The following LRRC7 variants were observed in gnomAD, a reference collection of about 807,000 sequenced individuals.
LRRC7 encodes leucine-rich repeat-containing protein 7.
Under a neutral mutation model 175.7 loss-of-function variants are expected in LRRC7, and 23 were observed. That is an observed-to-expected ratio of 0.13 (90% CI 0.09 to 0.19). The LOEUF is 0.19. Ranked by LOEUF, LRRC7 falls within the 10% of genes least tolerant of loss-of-function variation. The probability of loss-of-function intolerance (pLI) is 1.00; values close to 1 mark genes in which losing one functional copy is unlikely to be tolerated. For synonymous variants in LRRC7, 685 were observed against 680.9 expected, an observed-to-expected ratio of 1.01 and a Z score of -0.09; for missense variants, 1,354 against 1,904.7, an observed-to-expected ratio of 0.71 and a Z score of 5.38.
intron 8 of LRRC7, among the ~76,000 whole-genome samples, chr1:69,954,004 T>C (rs1288080412): frequency 6.6e-6 from 1 of 152,046 alleles, no homozygotes; most frequent in Non-Finnish European, 1.5e-5. Flanking sequence ...ATAAGCATCT[T>C]AAAGGAAGGA....
At chr1:69,874,235 AT>A (rs1024789937) in intron 7 of LRRC7, 10 of 152,172 alleles carry the variant, frequency 6.6e-5, no homozygotes, top group African/African-American at 2.4e-4. Flanking sequence ...TAGCATTTCA[AT>A]TTGCATAGAA....
At chr1:70,042,915 C>A (rs981957097) in intron 21 of LRRC7, among the ~76,000 whole-genome samples, 44 of 152,116 alleles carry the variant, frequency 2.9e-4, no homozygotes, top group African/African-American at 1.0e-3. Context: ...ATAATATTGC[C>A]CTCAGAATAG....
chr1:69,629,789 A>G (rs1441681204), intron 1 of LRRC7, among the ~76,000 whole-genome samples: 4 of 152,134 alleles, frequency 2.6e-5, no homozygotes, highest in African/African-American at 9.7e-5. Flanking sequence ...GATTGATGCT[A>G]TTAAAGTTAA....
At chr1:69,964,740 T>C (rs1001422204) in intron 8 of LRRC7, among the ~76,000 whole-genome samples, 4 of 152,242 alleles carry the variant, frequency 2.6e-5, no homozygotes, top group African/African-American at 9.6e-5. Context: ...TCATTGTTTC[T>C]AGTTCTTAAC....
intron 1 of LRRC7, among the ~76,000 whole-genome samples, chr1:69,605,710 G>T (rs1312496110): frequency 6.6e-6 from 1 of 152,062 alleles, no homozygotes; most frequent in African/African-American, 2.4e-5. Flanking sequence ...TTTCATTTGG[G>T]TCTTAAAATA....
intron 1 of LRRC7, among the ~76,000 whole-genome samples, chr1:69,589,118 GTGTGTGT>G: frequency 7.1e-5 from 1 of 14,114 alleles, no homozygotes; most frequent in Non-Finnish European, 1.2e-4. Flanking sequence ...TAAAAAGGGT[GTGTGTGT>G]GTGTGTGTGT....
At position 69,838,533 on chromosome 1, in the gene LRRC7, C is replaced by A. The variant is rs937847719; in HGVS notation, c.647+250C>A. Among the ~76,000 whole-genome samples, 3 of 151,922 alleles carry A rather than the reference C, an allele frequency of 2.0e-5. No individual in the cohort carries two copies. The South Asian group carries it at 6.2e-4, about 31-fold the overall frequency. On this transcript the variant is annotated intron_variant, in intron 7 of 26. Transcript: ENST00000651989. ...AAGTTTCTTCTCATGGCTGAAGATA[C>A]ATGCCAGAAAAGTATTGCACTAAAA...
chr1:70,022,647 A>G (rs1657634066), intron 16 of LRRC7, among the ~76,000 whole-genome samples: 1 of 152,128 alleles, frequency 6.6e-6, no homozygotes. Flanking sequence ...CTCAGTTTTG[A>G]CTAATTTGAA....
intron 25 of LRRC7, among the ~76,000 whole-genome samples, chr1:70,103,545 C>T (rs1664943994): frequency 6.6e-6 from 1 of 152,112 alleles, no homozygotes; most frequent in Non-Finnish European, 1.5e-5. Context: ...GAAATGGATT[C>T]TCCCCCTGAA....
At chr1:69,964,482 T>G (rs905808694) in intron 8 of LRRC7, among the ~76,000 whole-genome samples, 3 of 152,196 alleles carry the variant, frequency 2.0e-5, no homozygotes, top group African/African-American at 7.2e-5. Flanking sequence ...TGGACAGTCA[T>G]GAAGAGTCTA....
intron 4 of LRRC7, among the ~76,000 whole-genome samples, chr1:69,805,617 G>A (rs1305664336): frequency 6.6e-6 from 1 of 151,690 alleles, no homozygotes; most frequent in Non-Finnish European, 1.5e-5. Context: ...CCTTCCCTTT[G>A]TACAGAATCT....
At chr1:69,693,030 G>A (rs368178331) in intron 2 of LRRC7, among the ~76,000 whole-genome samples, 55 of 151,564 alleles carry the variant, frequency 3.6e-4, no homozygotes, top group African/African-American at 1.1e-3. Context: ...TTTCAGGCTC[G>A]CAGACACGGA....
intron 3 of LRRC7, among the ~76,000 whole-genome samples, chr1:69,781,207 T>C (rs1242672821): frequency 1.3e-5 from 2 of 152,082 alleles, no homozygotes; most frequent in Non-Finnish European, 2.9e-5. Flanking sequence ...CAGTAGATAG[T>C]TGTTGAGTCT....
At chr1:69,986,008 C>T (rs1274488382) in intron 9 of LRRC7, among the ~76,000 whole-genome samples, 1 of 151,982 alleles carries the variant, frequency 6.6e-6, no homozygotes, top group Non-Finnish European at 1.5e-5. Context: ...TGGTATAACC[C>T]TATTTATTGT....
chr1:70,023,328 C>T lies in LRRC7; in HGVS notation c.1748C>T (p.Pro583Leu), dbSNP rs1378111862. The T allele has an allele frequency of 4.3e-6, 7 of 1,612,190 alleles. No homozygotes were observed. The highest frequency in any genetic ancestry group is 5.9e-6 in the Non-Finnish European group (7 of 1,178,904). The change falls in exon 17 of 27, where the codon CCA becomes CTA. Residue 583 changes from proline (P) to leucine (L), a missense_variant. By Grantham distance (98) the Pro-to-Leu change is moderately conservative (BLOSUM62 -3). This residue lies in a region of LRRC7 where 1,032 missense variants were observed against 1,227.2 expected (regional missense o/e 0.84). Transcript: ENST00000651989. The stretch of plus-strand genomic sequence containing the variant: ...GAAAGGAGCATGTGTACTCCATTGC[C>T]AGTTGCAGCACAATCCACCACTCTT... ...QQERSMCTPL[P>L]VAAQSTTLPS...
At chr1:69,935,767 A>G (rs547433043) in intron 8 of LRRC7, among the ~76,000 whole-genome samples, 1 of 152,190 alleles carries the variant, frequency 6.6e-6, no homozygotes, top group African/African-American at 2.4e-5. Context: ...CAGTCTCTGG[A>G]GAGTCTTTTT....
At chr1:69,634,746 C>T (rs1168297607) in intron 1 of LRRC7, among the ~76,000 whole-genome samples, 1 of 152,016 alleles carries the variant, frequency 6.6e-6, no homozygotes, top group African/African-American at 2.4e-5. Context: ...TTGGACATGG[C>T]ACAATGCAGC....
rs563512770 is a variant in LRRC7 at position 69,872,197 on chromosome 1, AG to A, written c.647+33915del. Among the ~76,000 whole-genome samples, 22 of 152,112 alleles carry A rather than the reference AG, an allele frequency of 1.4e-4. 1 individual carries two copies. In the South Asian group the frequency reaches 4.4e-3, roughly 30 times the overall value. The stretch of plus-strand genomic sequence containing the variant: ...CGTTTAAATTAGTACAAGTTGGTAA[AG>A]TTGTAGCATTTAATTAGTTTGAATA... On this transcript the variant is annotated intron_variant, in intron 7 of 26. Coordinates refer to ENST00000651989, the MANE Select transcript of LRRC7 (RefSeq NM_001370785.2).
intron 7 of LRRC7, among the ~76,000 whole-genome samples, chr1:69,881,140 C>A (rs980588140): frequency 2.6e-5 from 4 of 152,060 alleles, no homozygotes; most frequent in Non-Finnish European, 5.9e-5. Context: ...TCTTTGAAAG[C>A]GGGACTATGT....
Sources: allele counts gnomAD v4.1 joint callset (sites outside exome capture counted in the v4.1 genomes callset), GRCh38; gene constraint gnomAD v4.1.1; regional missense constraint gnomAD v4.1.1; transcripts MANE v1.5; gene names NCBI Gene and HGNC (gene_info 2026-07-23, HGNC 2026-07-21).